The following MAGI1 variants were observed in gnomAD, a reference collection of about 807,000 sequenced individuals.
MAGI1 encodes the protein membrane-associated guanylate kinase, WW and PDZ domain-containing protein 1.
A neutral mutation model predicts 139.9 loss-of-function variants in MAGI1; 58 were observed. The observed-to-expected ratio is 0.41, with a 90% CI of 0.34 to 0.52. MAGI1 has a LOEUF of 0.52. Among genes scored for constraint, MAGI1 ranks in the 20% least tolerant of loss-of-function variants. MAGI1 has a pLI of 0.12. For synonymous variants in MAGI1, 812 were observed against 737.9 expected (o/e 1.10, Z -1.63); for missense variants, 1,874 against 1,901.6 (o/e 0.99, Z 0.27).
chr3:65,483,147 T>G (rs551442269), intron 3 of MAGI1, among the ~76,000 whole-genome samples: 1 of 152,360 alleles, frequency 6.6e-6, no homozygotes, highest in East Asian at 1.9e-4. Context: ...TTGAGTGAAT[T>G]GATTTTTGGA....
At chr3:65,668,605 C>T (rs182817403) in intron 1 of MAGI1, among the ~76,000 whole-genome samples, 215 of 123,282 alleles carry the variant, frequency 1.7e-3, no homozygotes, top group African/African-American at 6.3e-3. Context: ...CTCACTCTGT[C>T]GCCCAGGCTG....
intron 2 of MAGI1, among the ~76,000 whole-genome samples, chr3:65,505,625 C>T (rs940627): frequency 0.1 from 13,926 of 137,870 alleles, 934 homozygotes; most frequent in African/African-American, 0.21. Flanking sequence ...CCAGCCTGGG[C>T]GACAAAGTCT....
intron 1 of MAGI1, among the ~76,000 whole-genome samples, chr3:65,789,475 G>T (rs907438804): frequency 6.6e-6 from 1 of 152,140 alleles, no homozygotes; most frequent in Non-Finnish European, 1.5e-5. Flanking sequence ...TGGCTATAAG[G>T]CCCCTCAGTT....
At chr3:65,612,357 C>G (rs1209906394) in intron 2 of MAGI1, among the ~76,000 whole-genome samples, 1 of 152,060 alleles carries the variant, frequency 6.6e-6, no homozygotes, top group African/African-American at 2.4e-5. Flanking sequence ...TCTCCCTCCT[C>G]CCACACATAA....
At chr3:65,701,193 A>C (rs2089583226) in intron 1 of MAGI1, among the ~76,000 whole-genome samples, 1 of 152,048 alleles carries the variant, frequency 6.6e-6, no homozygotes, top group Non-Finnish European at 1.5e-5. Flanking sequence ...CTAATGAAAA[A>C]AACTGATGTA....
intron 1 of MAGI1, among the ~76,000 whole-genome samples, chr3:65,975,445 C>T (rs969230523): frequency 6.6e-6 from 1 of 152,016 alleles, no homozygotes; most frequent in African/African-American, 2.4e-5. Flanking sequence ...TGCCTTATTA[C>T]CCAAGTCTGA....
At chr3:65,613,531 T>G (rs941865091) in intron 2 of MAGI1, among the ~76,000 whole-genome samples, 1 of 152,174 alleles carries the variant, frequency 6.6e-6, no homozygotes, top group South Asian at 2.1e-4. Context: ...CACATATAAA[T>G]CAAGTCCAGT....
chr3:65,539,490 T>C (rs2079113025), intron 2 of MAGI1, among the ~76,000 whole-genome samples: 1 of 152,210 alleles, frequency 6.6e-6, no homozygotes, highest in South Asian at 2.1e-4. Context: ...CCATCTGAAA[T>C]GGATACCGTG....
At chr3:65,888,077 A>G (rs1211364690) in intron 1 of MAGI1, among the ~76,000 whole-genome samples, 1 of 152,184 alleles carries the variant, frequency 6.6e-6, no homozygotes, top group Non-Finnish European at 1.5e-5. Flanking sequence ...CAATCTTTAT[A>G]AAAGGTGCCC....
In MAGI1 at chr3:65,936,911, GTTGTTGT is replaced by G. The variant is rs1560032009; in HGVS notation, c.313+101078_313+101084del. On this transcript the variant is annotated intron_variant, in intron 1 of 22. Coordinates refer to ENST00000402939, the MANE Select transcript of MAGI1 (RefSeq NM_001033057.2). ...TGAGCTCAGGTTCAAAGTTGTTGTTGTTGTTGTTGGTGGTGGTGGTGGTGATGGTGGT... is the reference window on the plus strand; with the variant it reads ...TGAGCTCAGGTTCAAAGTTGTTGTTGTGGTGGTGGTGGTGGTGATGGTGGT... Among the ~76,000 whole-genome samples, 612 of 141,472 alleles carry G rather than the reference GTTGTTGT, an allele frequency of 4.3e-3. 8 individuals are homozygous for G. Among genetic ancestry groups the G allele is most frequent in the African/African-American group, 0.015 (564 of 37,108 alleles). 92.8% of individuals were successfully genotyped at this position (141,472 alleles called of 152,430 possible). A position where few individuals can be genotyped will look rare whatever the true frequency, so the allele number is the denominator to read the frequency against.
At chr3:66,013,259 C>T (rs2067427926) in intron 1 of MAGI1, among the ~76,000 whole-genome samples, 1 of 151,484 alleles carries the variant, frequency 6.6e-6, no homozygotes, top group Non-Finnish European at 1.5e-5. Flanking sequence ...CAAAATTAGC[C>T]AGGCATGGTG....
chr3:65,610,625 T>A (rs1000724085), intron 2 of MAGI1, among the ~76,000 whole-genome samples: 11 of 151,264 alleles, frequency 7.3e-5, no homozygotes, highest in African/African-American at 2.7e-4. Context: ...ATTGATGAAA[T>A]CTAAGAATAC....
intron 1 of MAGI1, among the ~76,000 whole-genome samples, chr3:65,957,533 AAGAAAAAG>A (rs1478768800): frequency 2.5e-5 from 1 of 39,240 alleles, no homozygotes; most frequent in Non-Finnish European, 5.4e-5. Context: ...AAAAAAAAAA[AAGAAAAAG>A]AAAAGAAAAA....
chr3:65,720,616 T>A (rs978617731), intron 1 of MAGI1, among the ~76,000 whole-genome samples: 5 of 152,144 alleles, frequency 3.3e-5, no homozygotes, highest in Non-Finnish European at 7.4e-5. Flanking sequence ...CAGGACCTTA[T>A]ACATCCCCCA....
chr3:65,628,502 C>T (rs1188647142), intron 1 of MAGI1, among the ~76,000 whole-genome samples: 1 of 152,004 alleles, frequency 6.6e-6, no homozygotes, highest in Non-Finnish European at 1.5e-5. Flanking sequence ...AGCTGCCCAC[C>T]GGAGAAGCTC....
chr3:65,584,636 C>CA (rs1159100204), intron 2 of MAGI1, among the ~76,000 whole-genome samples: 1 of 152,140 alleles, frequency 6.6e-6, no homozygotes, highest in African/African-American at 2.4e-5. Context: ...TTTATGCCCT[C>CA]AGTCTACCTA....
At chr3:65,633,606 T>C (rs2084432772) in intron 1 of MAGI1, among the ~76,000 whole-genome samples, 1 of 152,174 alleles carries the variant, frequency 6.6e-6, no homozygotes. Flanking sequence ...GAGAAAAAAT[T>C]TGAATTAAGC....
intron 3 of MAGI1, among the ~76,000 whole-genome samples, chr3:65,493,027 A>G (rs933309790): frequency 9.2e-5 from 14 of 151,528 alleles, no homozygotes; most frequent in Admixed American, 2.0e-4. Flanking sequence ...ACAGTGAGCC[A>G]AGATCGCGCC....
At chr3:65,971,244 TC>T (rs2065001986) in intron 1 of MAGI1, among the ~76,000 whole-genome samples, 1 of 152,112 alleles carries the variant, frequency 6.6e-6, no homozygotes, top group Non-Finnish European at 1.5e-5. Context: ...ATTTGATGAA[TC>T]ATTATTTAAA....
Sources: gnomAD v4.1 joint callset for allele counts (sites outside exome capture counted in the v4.1 genomes callset) on GRCh38, gnomAD v4.1.1 for gene constraint, MANE v1.5 for transcripts, NCBI Gene and HGNC (gene_info 2026-07-23, HGNC 2026-07-21) for gene names.